Variants in AFAP1L2 observed in about 807,000 individuals in gnomAD.
The protein encoded by AFAP1L2 is actin filament associated protein 1 like 2.
A neutral mutation model predicts 99.3 loss-of-function variants in AFAP1L2; 46 were observed. The observed-to-expected ratio is 0.46, with a 90% CI of 0.37 to 0.59. The LOEUF is 0.59. AFAP1L2 is among the 20% of genes least tolerant of loss of function. The probability of loss-of-function intolerance (pLI) is 0.00; values close to 1 mark genes in which losing one functional copy is unlikely to be tolerated. For synonymous variants in AFAP1L2, 397 were observed against 419.1 expected (o/e 0.95, Z 0.64); for missense variants, 959 against 1,034.9 (o/e 0.93, Z 1.01).
At chr10:114,317,425 C>G (rs774303148) in intron 5 of AFAP1L2, among the ~76,000 whole-genome samples, 12 of 152,248 alleles carry the variant, frequency 7.9e-5, no homozygotes, top group African/African-American at 2.9e-4. Context: ...TGAACTCTTA[C>G]GTTATAGGTG....
At chr10:114,319,017 G>A (rs2044642211) in intron 5 of AFAP1L2, among the ~76,000 whole-genome samples, 3 of 152,060 alleles carry the variant, frequency 2.0e-5, no homozygotes, top group African/African-American at 7.2e-5. Flanking sequence ...AGCCGGTCAT[G>A]GTGATGCGTG....
intron 1 of AFAP1L2, among the ~76,000 whole-genome samples, chr10:114,382,523 G>T (rs1177267327): frequency 6.7e-6 from 1 of 149,888 alleles, no homozygotes; most frequent in Non-Finnish European, 1.5e-5. Context: ...ATTAAGAGAA[G>T]AAATAAGTTC....
At chr10:114,282,429 A>G in the AFAP1L2 span, 2 of 1,060,674 alleles carry the variant, frequency 1.9e-6, no homozygotes, top group Non-Finnish European at 1.5e-6. Context: ...ATCTTCTATC[A>G]GCTTTTGGTG....
chr10:114,392,893 C>T (rs2057304105), intron 1 of AFAP1L2, among the ~76,000 whole-genome samples: 1 of 152,194 alleles, frequency 6.6e-6, no homozygotes. Context: ...GCTGCCTCAA[C>T]CTTCCCTTGG....
At chr10:114,383,590 T>C (rs889916438) in intron 1 of AFAP1L2, among the ~76,000 whole-genome samples, 4 of 152,344 alleles carry the variant, frequency 2.6e-5, no homozygotes, top group South Asian at 2.1e-4. Context: ...AATATAGATG[T>C]AAAATTACTA....
Position 114,315,814 on chromosome 10 carries a change from C to T in AFAP1L2, c.407-49G>A, listed in dbSNP as rs547015728. 5.8e-6 allele frequency: 9 copies of T among 1,551,030 alleles called. No homozygotes were observed. In the South Asian group the frequency reaches 8.2e-5, roughly 14 times the overall value. On this transcript the variant is annotated intron_variant, in intron 5 of 18. Transcript: ENST00000304129. ...AGGGCCCCATGGGGCAGGGGACAGT[C>T]CTGAAGCAGCATCGCTGGGGAGGGC...
At chr10:114,340,861 G>T in intron 1 of AFAP1L2, 130 bp from the exon 2 acceptor site, 2 of 1,321,140 alleles carry the variant, frequency 1.5e-6, no homozygotes, top group East Asian at 2.3e-5. Flanking sequence ...TTGGTGTGAG[G>T]TCTGGCAGCG....
At chr10:114,404,654 C>T (rs1312446141), upstream of AFAP1L2, 2 of 678,852 alleles carry the variant, frequency 2.9e-6, no homozygotes, top group Non-Finnish European at 4.1e-6. Flanking sequence ...TCCCAGCGCC[C>T]CTGTCCCAGC....
intron 1 of AFAP1L2, among the ~76,000 whole-genome samples, chr10:114,362,063 C>T (rs545128532): frequency 1.3e-5 from 2 of 152,324 alleles, no homozygotes; most frequent in South Asian, 4.1e-4. Context: ...GTTCCACTAA[C>T]AAGTGCTGTG....
chr10:114,324,526 C>T (rs772205750), intron 4 of AFAP1L2, among the ~76,000 whole-genome samples: 5 of 152,228 alleles, frequency 3.3e-5, no homozygotes, highest in Non-Finnish European at 5.9e-5. Context: ...GTTGGGATTA[C>T]AGGCGCAAGC....
intron 11 of AFAP1L2, among the ~76,000 whole-genome samples, chr10:114,302,703 A>C (rs1188157372): frequency 1.3e-5 from 2 of 152,190 alleles, no homozygotes; most frequent in Non-Finnish European, 2.9e-5. Flanking sequence ...TGCCACCTCA[A>C]TAATGCTGTG....
At chr10:114,350,877 C>T (rs1002882048) in intron 1 of AFAP1L2, among the ~76,000 whole-genome samples, 9 of 152,186 alleles carry the variant, frequency 5.9e-5, no homozygotes, top group African/African-American at 2.2e-4. Flanking sequence ...GTTCCAGCGG[C>T]GACCAGGGTC....
chr10:114,400,027 G>A (rs1328773510), intron 1 of AFAP1L2, among the ~76,000 whole-genome samples: 1 of 152,194 alleles, frequency 6.6e-6, no homozygotes, highest in African/African-American at 2.4e-5. Flanking sequence ...GGGTCTCCAG[G>A]TTCCTGAGCC....
the AFAP1L2 span, chr10:114,281,800 AT>A: frequency 1.9e-3 from 1,815 of 961,544 alleles, 24 homozygotes; most frequent in African/African-American, 0.029. Context: ...AAAAGTGAAG[AT>A]AGAATTACTA....
At chr10:114,289,499 G>A in the AFAP1L2 span, 19 of 1,613,818 alleles carry the variant, frequency 1.2e-5, no homozygotes, top group Non-Finnish European at 1.5e-5. Flanking sequence ...GGTGAGTGGG[G>A]GAATCCACAC....
At chr10:114,288,995 G>A in the AFAP1L2 span, 76 of 1,614,118 alleles carry the variant, frequency 4.7e-5, no homozygotes, top group South Asian at 8.0e-4. Context: ...GCCTCAGTAG[G>A]GCCCGAGAAT....
intron 4 of AFAP1L2, among the ~76,000 whole-genome samples, chr10:114,324,554 C>A (rs1223374147): frequency 6.6e-6 from 1 of 152,264 alleles, no homozygotes; most frequent in Non-Finnish European, 1.5e-5. Flanking sequence ...CCCGTGGTGT[C>A]TTTCTGAATC....
intron 1 of AFAP1L2, among the ~76,000 whole-genome samples, chr10:114,387,738 C>T (rs1295295564): frequency 6.6e-6 from 1 of 152,202 alleles, no homozygotes; most frequent in African/African-American, 2.4e-5. Flanking sequence ...CTGCAACTTT[C>T]GAACAGTATT....
chr10:114,337,708 G>A (rs1001025388), intron 2 of AFAP1L2, among the ~76,000 whole-genome samples: 7 of 152,262 alleles, frequency 4.6e-5, no homozygotes, highest in African/African-American at 1.7e-4. Context: ...CATGTAGGAG[G>A]CGCTGCCAGA....
Sources: allele counts gnomAD v4.1 joint callset (sites outside exome capture counted in the v4.1 genomes callset), GRCh38; gene constraint gnomAD v4.1.1; transcripts MANE v1.5; gene names NCBI Gene and HGNC (gene_info 2026-07-23, HGNC 2026-07-21).